Variants in RCVRN observed in about 807,000 individuals in gnomAD.
RCVRN encodes cancer associated retinopathy antigen.
Under a neutral mutation model 20.4 loss-of-function variants are expected in RCVRN, and 23 were observed. The ratio of observed to expected loss-of-function variants is 1.13; its 90% CI spans 0.81 to 1.60. The LOEUF (loss-of-function observed/expected upper bound fraction) is 1.60. Among genes scored for constraint, RCVRN ranks in the 40% most tolerant of loss-of-function variants. The pLI is 0.00. For missense variants in RCVRN, 254 were observed against 254.2 expected, an observed-to-expected ratio of 1.00 and a Z score of 0.00; for synonymous variants, 105 against 105.9, an observed-to-expected ratio of 0.99 and a Z score of 0.05.
intron 2 of RCVRN, 115 bp downstream of exon 2, chr17:9,900,874 G>A (rs1049794198): frequency 4.6e-6 from 3 of 648,410 alleles, no homozygotes; most frequent in African/African-American, 3.6e-5. Flanking sequence ...ACAATGGAAT[G>A]AGGTGTCCCC....
At chr17:9,900,392 A>AG (rs1227308496) in intron 2 of RCVRN, among the ~76,000 whole-genome samples, 1 of 149,302 alleles carries the variant, frequency 6.7e-6, no homozygotes, top group East Asian at 1.9e-4. Context: ...CAAGACTGAC[A>AG]GGGGCACTGA....
Position 9,898,121 on chromosome 17 carries a change from C to T in RCVRN, c.577G>A (p.Val193Met). 1 of 1,613,910 alleles carries T rather than the reference C, an allele frequency of 6.2e-7. No homozygotes were observed. ...LRLIQFEPQK[V>M]KEKMKNA Reference sequence around the variant, plus strand: ...CAGGCGTTCTTCATCTTTTCCTTCACTTTTTGAGGCTCAAACTGGATCAGT... The same window carrying T: ...CAGGCGTTCTTCATCTTTTCCTTCATTTTTTGAGGCTCAAACTGGATCAGT... The change falls in exon 3 of 3, where the codon GTG becomes ATG. Residue 193 changes from valine (V) to methionine (M), a missense_variant. Coordinates refer to ENST00000226193, the MANE Select transcript of RCVRN (RefSeq NM_002903.3).
chr17:9,904,302 A>G lies in RCVRN; in HGVS notation c.381+498T>C, dbSNP rs920163102. On this transcript the variant is annotated intron_variant, in intron 1 of 2. Coordinates refer to ENST00000226193, the MANE Select transcript of RCVRN (RefSeq NM_002903.3). The surrounding 1 kb of genome is among the most constrained non-coding windows in gnomAD (Gnocchi z 5.8). The stretch of plus-strand genomic sequence containing the variant: ...GGTAGACCTGTCTAGGGCACTCACC[A>G]TGAGTGGAGCTTGCAGGACTGGGAG... Among the ~76,000 whole-genome samples the G allele has an allele frequency of 3.9e-5, 6 of 152,216 alleles. No homozygotes were observed. The highest frequency in any genetic ancestry group is 8.8e-5 in the Non-Finnish European group (6 of 68,036).
In RCVRN at chr17:9,900,996, A is replaced by G. The variant is rs1346588139; in HGVS notation, c.486T>C (p.Asn162=). 1.3e-6 allele frequency: 2 copies of G among 1,591,098 alleles called. No homozygotes were observed. The highest frequency in any genetic ancestry group is 1.7e-6 in the Non-Finnish European group (2 of 1,162,420). ...AEKIWKYFGK[N]DDDKLTEKEF... ...GAAGGAAAAGGAATTCACCATCATC[A>G]TTCTTTCCAAAGTACTTCCAGATCT... Residue 162 remains asparagine (N), a synonymous_variant, in exon 2 of 3, where the codon AAT becomes AAC. Transcript: ENST00000226193.
At chr17:9,902,227 T>C (rs573586743) in intron 1 of RCVRN, among the ~76,000 whole-genome samples, 15 of 152,036 alleles carry the variant, frequency 9.9e-5, no homozygotes, top group Non-Finnish European at 2.2e-4. Flanking sequence ...ACTTAGTCCC[T>C]GTCCCAGGCC....
At position 9,897,781 on chromosome 17, in the gene RCVRN, C is replaced by T; in HGVS notation, c.*314G>A. The T allele has an allele frequency of 3.7e-6, 1 of 268,374 alleles. No homozygotes were observed. The allele number at this position is 268,374 out of a possible 1,614,324, so 16.6% of individuals were successfully genotyped here. A position where few individuals can be genotyped will look rare whatever the true frequency, so the allele number is the denominator to read the frequency against. On this transcript the variant is annotated 3_prime_UTR_variant, in exon 3 of 3. Coordinates refer to ENST00000226193, the MANE Select transcript of RCVRN (RefSeq NM_002903.3). ...CAAAGGAGCTTACAGCGGGGTGACA[C>T]TTAGGACTCCTATGGCCTAATCCTG... is the stretch of plus-strand genomic sequence containing the variant.
Position 9,904,687 on chromosome 17 carries a change from G to A in RCVRN, c.381+113C>T, listed in dbSNP as rs1442812924. ...ACCACGCTCTCAGAGCCAGTGGCCC[G>A]CATCCCCCGCTCCACCCACAGATCC... On this transcript the variant is annotated intron_variant, in intron 1 of 2. Transcript: ENST00000226193. The surrounding 1 kb of genome is among the most constrained non-coding windows in gnomAD (Gnocchi z 5.8). 5 of 1,245,462 alleles carry A rather than the reference G, an allele frequency of 4.0e-6. No individual in the cohort carries two copies. Among genetic ancestry groups the A allele is most frequent in the African/African-American group, 3.0e-5 (2 of 66,908 alleles). The allele number at this position is 1,245,462 out of a possible 1,614,324, so 77.2% of individuals were successfully genotyped here.
At position 9,904,325 on chromosome 17, in the gene RCVRN, GA is replaced by G. The variant is rs2067353717; in HGVS notation, c.381+474del. 6.6e-6 allele frequency among the ~76,000 whole-genome samples: 1 copy of G among 152,340 alleles called. No homozygotes were observed. Among genetic ancestry groups the G allele is most frequent in the South Asian group, 2.1e-4 (1 of 4,830 alleles). ...CCATGAGTGGAGCTTGCAGGACTGG[GA>G]GTTGCTCTGGGTGAGTCAGTGAGTG... On this transcript the variant is annotated intron_variant, in intron 1 of 2. Coordinates refer to ENST00000226193, the MANE Select transcript of RCVRN (RefSeq NM_002903.3). This position sits in a 1 kb window ranked among gnomAD's most constrained non-coding sequence, Gnocchi z 5.8.
At chr17:9,898,375 A>C (rs2067327993) in intron 2 of RCVRN, among the ~76,000 whole-genome samples, 171 bp from the exon 3 acceptor site, 1 of 152,036 alleles carries the variant, frequency 6.6e-6, no homozygotes, top group South Asian at 2.1e-4. Flanking sequence ...CCCAGTCCAG[A>C]TACCCACCTC....
Position 9,898,031 on chromosome 17 carries a change from T to A in RCVRN, c.*64A>T. The A allele has an allele frequency of 1.0e-6, 1 of 997,098 alleles. No homozygotes were observed. Among genetic ancestry groups the A allele is most frequent in the Non-Finnish European group, 1.6e-6 (1 of 617,386 alleles). The allele number at this position is 997,098 out of a possible 1,614,324, so 61.8% of individuals were successfully genotyped here. A position where few individuals can be genotyped will look rare whatever the true frequency, so the allele number is the denominator to read the frequency against. On this transcript the variant is annotated 3_prime_UTR_variant, in exon 3 of 3. Coordinates refer to ENST00000226193, the MANE Select transcript of RCVRN (RefSeq NM_002903.3). ...GCGTGTGTGTGCATGTGTGTGTGTG[T>A]GCACAGGCGCTCACGGGTGTCATGT...
Position 9,905,000 on chromosome 17 carries a change from C to T in RCVRN, c.181G>A (p.Asp61Asn). ...SIYAKFFPDT[D>N]PKAYAQHVFR... is the part of the protein sequence containing the mutation. The stretch of plus-strand genomic sequence containing the variant: ...ACATGCTGGGCGTAGGCCTTGGGGT[C>T]GGTGTCGGGGAAGAACTTGGCGTAG... Residue 61 changes from aspartate to asparagine, a missense_variant, in exon 1 of 3, where the codon GAC becomes AAC. By Grantham distance (23) the Asp-to-Asn change is conservative (BLOSUM62 1). Coordinates refer to ENST00000226193, the MANE Select transcript of RCVRN (RefSeq NM_002903.3). The surrounding 1 kb of genome is among the most constrained non-coding windows in gnomAD (Gnocchi z 5.8). 14 of 1,614,076 alleles carry T rather than the reference C, an allele frequency of 8.7e-6. No individual in the cohort carries two copies. Among genetic ancestry groups the T allele is most frequent in the Non-Finnish European group, 1.2e-5 (14 of 1,180,006 alleles).
rs569406336 is a variant in RCVRN, at chr17:9,899,834, A to T, written c.493+1155T>A. Among the ~76,000 whole-genome samples, 13 of 152,046 alleles carry T rather than the reference A, an allele frequency of 8.6e-5. No homozygotes were observed. The highest frequency in any genetic ancestry group is 2.9e-4 in the African/African-American group (12 of 41,466). On this transcript the variant is annotated intron_variant, in intron 2 of 2. Coordinates refer to ENST00000226193, the MANE Select transcript of RCVRN (RefSeq NM_002903.3). This position sits in a 1 kb window ranked among gnomAD's most constrained non-coding sequence, Gnocchi z 4.6. ...ACCTTCATGCTTCTCTTATTTCATC[A>T]TTTGTTGGCAGATTAGGAGGAGCAG...
chr17:9,901,998 C>T (rs888299623), intron 1 of RCVRN, among the ~76,000 whole-genome samples: 3 of 152,044 alleles, frequency 2.0e-5, no homozygotes, highest in African/African-American at 7.2e-5. Context: ...GTCTCCCTCC[C>T]TCCCTTTCCT....
At chr17:9,901,682 C>T (rs1204999391) in intron 1 of RCVRN, among the ~76,000 whole-genome samples, 1 of 152,244 alleles carries the variant, frequency 6.6e-6, no homozygotes, top group African/African-American at 2.4e-5. Context: ...TCCATCTGTG[C>T]AGGGCCTTGG....
chr17:9,899,280 C>T lies in RCVRN; in HGVS notation c.494-1076G>A, dbSNP rs920299336. 1.4e-4 allele frequency among the ~76,000 whole-genome samples: 21 copies of T among 152,138 alleles called. No individual in the cohort carries two copies. Among genetic ancestry groups the T allele is most frequent in the Admixed American group, 6.5e-4 (10 of 15,278 alleles). ...GGTTAGGATCCAGGATGGCTTCCTC[C>T]GCAAGTCTGGGTGGTAAAATTTGGG... On this transcript the variant is annotated intron_variant, in intron 2 of 2. Transcript: ENST00000226193. This position sits in a 1 kb window ranked among gnomAD's most constrained non-coding sequence, Gnocchi z 4.6.
rs1702308030 is a variant in RCVRN at position 9,900,991 on chromosome 17, T to C, written c.491A>G (p.Asp164Gly). The C allele has an allele frequency of 2.5e-6, 4 of 1,579,110 alleles. No individual in the cohort carries two copies. The highest frequency in any genetic ancestry group is 1.3e-5 in the African/African-American group (1 of 74,180). ...GCAATGAAGGAAAAGGAATTCACCA[T>C]CATCATTCTTTCCAAAGTACTTCCA... The part of the protein sequence containing the change: ...KIWKYFGKND[D>G]DKLTEKEFIE... Residue 164 changes from aspartate to glycine, a missense_variant and splice_region_variant, in exon 2 of 3, where the codon GAT becomes GGT. Coordinates refer to ENST00000226193, the MANE Select transcript of RCVRN (RefSeq NM_002903.3).
At chr17:9,902,083 T>C (rs754880495) in intron 1 of RCVRN, among the ~76,000 whole-genome samples, 4 of 144,558 alleles carry the variant, frequency 2.8e-5, no homozygotes, top group Non-Finnish European at 6.0e-5. Flanking sequence ...TGCTTCCCCC[T>C]CTTTCCTTCC....
intron 1 of RCVRN, 124 bp from the exon 2 acceptor site, chr17:9,901,224 G>C (rs761832494): frequency 2.3e-4 from 112 of 482,326 alleles, no homozygotes; most frequent in Non-Finnish European, 3.7e-4. Flanking sequence ...TTAAACATAA[G>C]ACCTCAGACC....
chr17:9,902,294 A>C (rs537574855), intron 1 of RCVRN, among the ~76,000 whole-genome samples: 2 of 152,280 alleles, frequency 1.3e-5, no homozygotes, highest in Non-Finnish European at 1.5e-5. Context: ...GTGCCAAGAT[A>C]ACAATGAGAG....
Sources: allele counts gnomAD v4.1 joint callset (sites outside exome capture counted in the v4.1 genomes callset), GRCh38; gene constraint gnomAD v4.1.1; non-coding constraint Gnocchi (gnomAD v3.1); transcripts MANE v1.5; gene names NCBI Gene and HGNC (gene_info 2026-07-23, HGNC 2026-07-21).